The following GPATCH2L variants were observed in gnomAD, a reference collection of about 807,000 sequenced individuals.
The protein encoded by GPATCH2L is G patch domain-containing protein 2-like.
GPATCH2L carries 31 observed loss-of-function variants against 57.4 expected under a neutral mutation model. The ratio of observed to expected loss-of-function variants is 0.54; its 90% CI spans 0.41 to 0.73. The LOEUF is 0.73. GPATCH2L is among the 30% of genes least tolerant of loss of function. The pLI, the probability that GPATCH2L is intolerant of heterozygous loss-of-function variation, is 0.00. For synonymous variants in GPATCH2L, 199 were observed against 210.7 expected, an observed-to-expected ratio of 0.94 and a Z score of 0.48; for missense variants, 481 against 599.9, an observed-to-expected ratio of 0.80 and a Z score of 2.07.
At chr14:76,166,080 C>G (rs2038822250) in intron 2 of GPATCH2L, among the ~76,000 whole-genome samples, 1 of 152,178 alleles carries the variant, frequency 6.6e-6, no homozygotes, top group Non-Finnish European at 1.5e-5. Context: ...TCAATGAGTT[C>G]AAATTAAGTT....
chr14:76,226,318 A>G (rs2040536201), intron 1 of GPATCH2L, among the ~76,000 whole-genome samples: 1 of 152,264 alleles, frequency 6.6e-6, no homozygotes, highest in Admixed American at 6.5e-5. Flanking sequence ...TGAATCTCAG[A>G]ATTACAGCGC....
chr14:76,230,669 A>C (rs1222502828), intron 2 of GPATCH2L, among the ~76,000 whole-genome samples: 1 of 152,114 alleles, frequency 6.6e-6, no homozygotes, highest in Non-Finnish European at 1.5e-5. Flanking sequence ...TCATCTTCTA[A>C]AATCTTCTGT....
chr14:76,167,470 G>A (rs1200384992), intron 3 of GPATCH2L, among the ~76,000 whole-genome samples: 1 of 152,116 alleles, frequency 6.6e-6, no homozygotes, highest in Non-Finnish European at 1.5e-5. Context: ...TTCTCCACGG[G>A]TTAAGCAATT....
At chr14:76,179,278 G>T (rs1164831933) in intron 7 of GPATCH2L, 3 of 152,158 alleles carry the variant, frequency 2.0e-5, no homozygotes, top group African/African-American at 4.8e-5. Flanking sequence ...TGTAATTATG[G>T]TATCAAGCCT....
At chr14:76,170,083 G>A (rs529521537) in intron 3 of GPATCH2L, among the ~76,000 whole-genome samples, 110 of 152,302 alleles carry the variant, frequency 7.2e-4, no homozygotes, top group Non-Finnish European at 1.5e-3. Flanking sequence ...TGTTTGTGGT[G>A]TGTTTTTATA....
intron 1 of GPATCH2L, among the ~76,000 whole-genome samples, chr14:76,219,849 G>T (rs2040506477): frequency 6.6e-6 from 1 of 152,174 alleles, no homozygotes; most frequent in African/African-American, 2.4e-5. Context: ...CAGTTATTGG[G>T]TGAAATTTGT....
chr14:76,195,834 G>A (rs764144955), intron 8 of GPATCH2L, 44 bp from the exon 9 acceptor site: 3 of 1,399,078 alleles, frequency 2.1e-6, no homozygotes, highest in Non-Finnish European at 2.0e-6. Flanking sequence ...CTTACAATAA[G>A]AATTAAAAAG....
chr14:76,159,261 GC>G (rs1228622838), intron 2 of GPATCH2L, among the ~76,000 whole-genome samples: 1 of 152,196 alleles, frequency 6.6e-6, no homozygotes, highest in African/African-American at 2.4e-5. Context: ...CTGGTAAGTA[GC>G]CTCAACTGCC....
At chr14:76,189,777 C>T (rs988258447) in intron 8 of GPATCH2L, among the ~76,000 whole-genome samples, 4 of 152,046 alleles carry the variant, frequency 2.6e-5, no homozygotes, top group Admixed American at 6.6e-5. Context: ...TATCATGTTC[C>T]ATATCTTAGA....
At position 76,212,867 on chromosome 14, in the gene GPATCH2L, T is replaced by A. The variant is rs1056799986; in HGVS notation, c.*11016T>A. ...GCAATAAATTAAAGCCAGAAAACAC[T>A]GCTCATCTGCAATCCAAAATGTTTT... On this transcript the variant is annotated 3_prime_UTR_variant, in exon 10 of 10. Coordinates refer to ENST00000261530, the MANE Select transcript of GPATCH2L (RefSeq NM_017926.4). 1.3e-5 allele frequency: 2 copies of A among 152,134 alleles called. No individual in the cohort carries two copies. Among genetic ancestry groups the A allele is most frequent in the African/African-American group, 4.8e-5 (2 of 41,438 alleles). 9.4% of individuals were successfully genotyped at this position (152,134 alleles called of 1,614,324 possible).
intron 3 of GPATCH2L, among the ~76,000 whole-genome samples, chr14:76,170,307 CTT>C (rs1215962037): frequency 2.0e-5 from 3 of 152,130 alleles, no homozygotes; most frequent in African/African-American, 7.2e-5. Flanking sequence ...ATTATGAACT[CTT>C]TAGATATTCT....
chr14:76,180,977 AGAT>A, intron 8 of GPATCH2L, 128 bp downstream of exon 8: 1 of 650,496 alleles, frequency 1.5e-6, no homozygotes. Context: ...TGAGGTAAAT[AGAT>A]GTTTTACAGA....
At chr14:76,193,956 A>T (rs1011060658) in intron 8 of GPATCH2L, among the ~76,000 whole-genome samples, 3 of 152,130 alleles carry the variant, frequency 2.0e-5, no homozygotes, top group African/African-American at 7.2e-5. Context: ...CTCAAGTCTT[A>T]TGTTTGTGGA....
At chr14:76,222,910 C>T (rs12590580) in intron 1 of GPATCH2L, among the ~76,000 whole-genome samples, 59,404 of 148,384 alleles carry the variant, frequency 0.4, 14,287 homozygotes, top group South Asian at 0.56. Context: ...GAGCCGAGAT[C>T]GCACCACTGC....
At chr14:76,179,848 C>T (rs181978508) in intron 7 of GPATCH2L, 149 of 152,134 alleles carry the variant, frequency 9.8e-4, no homozygotes, top group African/African-American at 3.4e-3. Context: ...AAATTATACT[C>T]TGAAAGCAAT....
chr14:76,195,633 T>C (rs1470908024), intron 8 of GPATCH2L, among the ~76,000 whole-genome samples: 1 of 152,232 alleles, frequency 6.6e-6, no homozygotes, highest in Non-Finnish European at 1.5e-5. Flanking sequence ...CACATATTTA[T>C]TGAAATTAAT....
chr14:76,152,324 A>G (rs2038083250), intron 1 of GPATCH2L, among the ~76,000 whole-genome samples: 1 of 152,064 alleles, frequency 6.6e-6, no homozygotes, highest in Non-Finnish European at 1.5e-5. Flanking sequence ...TTCGAAACAC[A>G]GTTTTTGTCA....
intron 8 of GPATCH2L, among the ~76,000 whole-genome samples, chr14:76,192,256 A>G (rs1250034273): frequency 6.6e-6 from 1 of 151,896 alleles, no homozygotes; most frequent in East Asian, 1.9e-4. Context: ...GATTTTCCCA[A>G]GCTGTAAACT....
In GPATCH2L at chr14:76,172,004, C is replaced by T. The variant is rs1186846348; in HGVS notation, c.889C>T (p.Arg297Trp). The change falls in exon 4 of 10, where the codon CGG (arginine) becomes TGG (tryptophan). Residue 297 changes from arginine (R) to tryptophan (W), a missense_variant. Around this residue, in one of 3 missense-constraint regions of GPATCH2L, gnomAD observed 248 missense variants for 270.5 expected, o/e 0.92. Coordinates refer to ENST00000261530, the MANE Select transcript of GPATCH2L (RefSeq NM_017926.4). Reference sequence around the variant, plus strand: ...AGATTCCACATTCCTTTTACCTTCTCGGCCAGCTCAAAGAGGTGAGTTCTG... The same window carrying T: ...AGATTCCACATTCCTTTTACCTTCTTGGCCAGCTCAAAGAGGTGAGTTCTG... ...FSDSTFLLPS[R>W]PAQRGYHTRL... The T allele has an allele frequency of 3.1e-6, 5 of 1,608,292 alleles. No homozygotes were observed. The highest frequency in any genetic ancestry group is 3.4e-5 in the Admixed American group (2 of 59,240).
Sources: allele counts gnomAD v4.1 joint callset (sites outside exome capture counted in the v4.1 genomes callset), GRCh38; gene constraint gnomAD v4.1.1; regional missense constraint gnomAD v4.1.1; transcripts MANE v1.5; gene names NCBI Gene and HGNC (gene_info 2026-07-23, HGNC 2026-07-21).